Variants in PACC1 observed in about 807,000 individuals in gnomAD.
PACC1 encodes the protein proton activated chloride channel 1.
In PACC1, 34 loss-of-function variants were observed where a neutral mutation model predicts 39.7. The ratio of observed to expected loss-of-function variants is 0.86; its 90% CI spans 0.65 to 1.14. The LOEUF is 1.14. Ranked by LOEUF, PACC1 falls within the 50% of genes most tolerant of loss-of-function variation. PACC1 has a pLI of 0.00. For synonymous variants in PACC1, 127 were observed against 160.6 expected (o/e 0.79, Z 1.58); for missense variants, 379 against 436.4 (o/e 0.87, Z 1.17).
In PACC1 at chr1:212,372,309, CA is replaced by C. The variant is rs531790538; in HGVS notation, c.891+2883del. Among the ~76,000 whole-genome samples the C allele has an allele frequency of 1.0e-4, 14 of 140,546 alleles. No individual in the cohort carries two copies. In the South Asian group the frequency reaches 2.1e-3, roughly 21 times the overall value. The allele number at this position is 140,546 out of a possible 152,430, so 92.2% of individuals were successfully genotyped here. A position where few individuals can be genotyped will look rare whatever the true frequency, so the allele number is the denominator to read the frequency against. On this transcript the variant is annotated intron_variant, in intron 7 of 7. Coordinates refer to ENST00000261455, the MANE Select transcript of PACC1 (RefSeq NM_018252.3). ...AAAAAAAAAAACAAAAAACAAAAAA[CA>C]AAAAAAAAACAAAAAACTCAACAAA...
intron 2 of PACC1, 43 bp downstream of exon 2, chr1:212,410,382 T>C: frequency 6.3e-7 from 1 of 1,578,878 alleles, no homozygotes; most frequent in Non-Finnish European, 8.7e-7. Flanking sequence ...GACTGGGGTG[T>C]CCAGCTGCAG....
chr1:212,379,970 C>A lies in PACC1; in HGVS notation c.563G>T (p.Arg188Leu). ...KKRELVFLQF[R>L]LNKSSEDFSA... ...GAAGTCCTCACTACTCTTGTTCAGG[C>A]GGAACTGGAGGAAGACCAGCTCCCG... is the stretch of plus-strand genomic sequence containing the variant. Residue 188 changes from arginine (R) to leucine (L), a missense_variant, in exon 5 of 8, where the codon CGC becomes CTC. Arg to Leu is a moderately radical substitution (Grantham distance 102). Coordinates refer to ENST00000261455, the MANE Select transcript of PACC1 (RefSeq NM_018252.3). 1 of 1,614,202 alleles carries A rather than the reference C, an allele frequency of 6.2e-7. No individual in the cohort carries two copies. The highest frequency in any genetic ancestry group is 8.5e-7 in the Non-Finnish European group (1 of 1,180,030).
At chr1:212,368,851 T>A (rs1660339244) in intron 7 of PACC1, among the ~76,000 whole-genome samples, 1 of 151,866 alleles carries the variant, frequency 6.6e-6, no homozygotes, top group Non-Finnish European at 1.5e-5. Context: ...GCTAACACGG[T>A]GAAACCCTGT....
At chr1:212,365,721 T>C (rs1244994144) in intron 7 of PACC1, among the ~76,000 whole-genome samples, 1 of 152,228 alleles carries the variant, frequency 6.6e-6, no homozygotes, top group African/African-American at 2.4e-5. Context: ...ATACTTTTAA[T>C]GTCCATAGCT....
At chr1:212,376,046 A>C (rs1172777753) in intron 6 of PACC1, among the ~76,000 whole-genome samples, 2 of 151,928 alleles carry the variant, frequency 1.3e-5, no homozygotes, top group African/African-American at 4.8e-5. Context: ...TACAGGGACA[A>C]AGCACAGCTG....
chr1:212,374,049 G>GAAAAA (rs199738815), intron 7 of PACC1, among the ~76,000 whole-genome samples: 3 of 90,012 alleles, frequency 3.3e-5, no homozygotes, highest in African/African-American at 3.3e-5. Flanking sequence ...AAAAAGAAAA[G>GAAAAA]AAAAAAAAAA....
chr1:212,413,796 G>A (rs1451152989), intron 1 of PACC1: 8 of 1,307,862 alleles, frequency 6.1e-6, no homozygotes, highest in African/African-American at 1.5e-5. Flanking sequence ...GGGCCTCAAG[G>A]CAAATCTGGA....
chr1:212,406,371 G>T (rs1436386237), intron 2 of PACC1, among the ~76,000 whole-genome samples: 2 of 152,064 alleles, frequency 1.3e-5, no homozygotes, highest in African/African-American at 4.8e-5. Context: ...ACAAAAATTA[G>T]CCAGGAATGA....
chr1:212,376,315 GTGA>G (rs1025370361), intron 6 of PACC1, among the ~76,000 whole-genome samples: 1 of 152,150 alleles, frequency 6.6e-6, no homozygotes, highest in Non-Finnish European at 1.5e-5. Flanking sequence ...ACTCTAAAAT[GTGA>G]TTTTAAAACA....
chr1:212,390,176 G>A (rs1661258328), intron 2 of PACC1, among the ~76,000 whole-genome samples: 1 of 152,106 alleles, frequency 6.6e-6, no homozygotes, highest in African/African-American at 2.4e-5. Flanking sequence ...TGTAATCCCA[G>A]CACTTTGGGA....
chr1:212,387,135 C>A (rs764651767), intron 2 of PACC1, 35 bp from the exon 3 acceptor site: 5 of 1,608,442 alleles, frequency 3.1e-6, no homozygotes, highest in Non-Finnish European at 8.5e-7. Flanking sequence ...ACCCAGGGCA[C>A]AGGGACAAGG....
Position 212,364,849 on chromosome 1 carries a change from TA to T in PACC1, c.*365del, listed in dbSNP as rs1262596260. The T allele has an allele frequency of 6.5e-6, 1 of 154,600 alleles. No homozygotes were observed. The highest frequency in any genetic ancestry group is 2.4e-5 in the African/African-American group (1 of 41,536). 9.6% of individuals were successfully genotyped at this position (154,600 alleles called of 1,614,324 possible). On this transcript the variant is annotated 3_prime_UTR_variant, in exon 8 of 8. Coordinates refer to ENST00000261455, the MANE Select transcript of PACC1 (RefSeq NM_018252.3). ...AAAATCACACTCTTTTGTCCACTTT[TA>T]AAAAGTGAAAAGTAGAGCCTTCATT...
chr1:212,385,576 C>T, intron 3 of PACC1, 151 bp from the exon 4 acceptor site: 1 of 818,672 alleles, frequency 1.2e-6, no homozygotes. Flanking sequence ...GGTGAGGAGC[C>T]ACATCCCCTG....
rs140478675 is a variant in PACC1, at chr1:212,412,103, T to C, written c.37-1582A>G. 4.4e-4 allele frequency among the ~76,000 whole-genome samples: 66 copies of C among 151,064 alleles called. 1 individual carries two copies. In the East Asian group the frequency reaches 0.012, roughly 29 times the overall value. On this transcript the variant is annotated intron_variant, in intron 1 of 7. Coordinates refer to ENST00000261455, the MANE Select transcript of PACC1 (RefSeq NM_018252.3). ...TTGTAGTGAGCCGAGATCGCACCAT[T>C]GCACTCCAGTCTGAGTGACAAGAGT...
intron 5 of PACC1, among the ~76,000 whole-genome samples, chr1:212,378,026 C>G (rs1057349130): frequency 6.6e-6 from 1 of 152,160 alleles, no homozygotes; most frequent in African/African-American, 2.4e-5. Flanking sequence ...CCAAAGCTGT[C>G]GGCAATGAAG....
In PACC1 at chr1:212,413,559, T is replaced by C. The variant is rs746086803; in HGVS notation, c.36+1163A>G. Among the ~76,000 whole-genome samples the C allele has an allele frequency of 3.9e-5, 6 of 152,134 alleles. No individual in the cohort carries two copies. The South Asian group carries it at 8.3e-4, about 21-fold the overall frequency. On this transcript the variant is annotated intron_variant, in intron 1 of 7. Coordinates refer to ENST00000261455, the MANE Select transcript of PACC1 (RefSeq NM_018252.3). ...TTACCCAATGGAGCTTGGCGGAGCG[T>C]TGATGAAGGAATGGAGTGAGCACAC... is the stretch of plus-strand genomic sequence containing the variant.
At chr1:212,371,153 G>A (rs1660436511) in intron 7 of PACC1, among the ~76,000 whole-genome samples, 1 of 149,870 alleles carries the variant, frequency 6.7e-6, no homozygotes, top group Non-Finnish European at 1.5e-5. Context: ...GCTGAGGCAG[G>A]AGAATCGTTT....
At chr1:212,401,833 C>G (rs1661727200) in intron 2 of PACC1, among the ~76,000 whole-genome samples, 1 of 151,654 alleles carries the variant, frequency 6.6e-6, no homozygotes, top group African/African-American at 2.4e-5. Flanking sequence ...ACCACCATAC[C>G]TGGCTAATTT....
intron 2 of PACC1, among the ~76,000 whole-genome samples, chr1:212,409,016 C>T (rs1662026995): frequency 6.6e-6 from 1 of 152,210 alleles, no homozygotes; most frequent in South Asian, 2.1e-4. Context: ...GCATTAGATT[C>T]TCATAGGAGT....
Sources: gnomAD v4.1 joint callset for allele counts (sites outside exome capture counted in the v4.1 genomes callset) on GRCh38, gnomAD v4.1.1 for gene constraint, MANE v1.5 for transcripts, NCBI Gene and HGNC (gene_info 2026-07-23, HGNC 2026-07-21) for gene names.